The following ZSWIM6 variants were observed in gnomAD, a reference collection of about 807,000 sequenced individuals.
ZSWIM6 encodes zinc finger SWIM domain-containing protein 6.
In ZSWIM6, 9 loss-of-function variants were observed where a neutral mutation model predicts 113.2. That is an observed-to-expected ratio of 0.08 (90% CI 0.05 to 0.14). The LOEUF (loss-of-function observed/expected upper bound fraction) is 0.14. Ranked by LOEUF, ZSWIM6 falls within the 10% of genes least tolerant of loss-of-function variation. The pLI is 1.00. For missense variants in ZSWIM6, 1,162 were observed against 1,552.2 expected, an observed-to-expected ratio of 0.75 and a Z score of 4.22; for synonymous variants, 611 against 606.5, an observed-to-expected ratio of 1.01 and a Z score of -0.11.
intron 1 of ZSWIM6, among the ~76,000 whole-genome samples, chr5:61,338,160 G>T (rs544417488): frequency 1.4e-3 from 137 of 98,302 alleles, no homozygotes; most frequent in African/African-American, 8.8e-3. Context: ...TTAAAGTTTT[G>T]TGTGTTTTTT....
chr5:61,404,009 ATTT>A (rs61133998), intron 1 of ZSWIM6, among the ~76,000 whole-genome samples: 4 of 144,006 alleles, frequency 2.8e-5, no homozygotes, highest in Admixed American at 2.1e-4. Flanking sequence ...TAAAAAAGTA[ATTT>A]TTTTTTTTTT....
chr5:61,543,258 G>T lies in ZSWIM6; in HGVS notation c.2786-197G>T, dbSNP rs1444894134. Among the ~76,000 whole-genome samples, 1 of 152,106 alleles carries T rather than the reference G, an allele frequency of 6.6e-6. No homozygotes were observed. The highest frequency in any genetic ancestry group is 2.4e-5 in the African/African-American group (1 of 41,420). On this transcript the variant is annotated intron_variant, in intron 13 of 13. Coordinates refer to ENST00000252744, the MANE Select transcript of ZSWIM6 (RefSeq NM_020928.2). This position sits in a 1 kb window ranked among gnomAD's most constrained non-coding sequence, Gnocchi z 4.3. ...TATAGCAAGTTCATGTTCCTTTCAG[G>T]CATTTCACTGAATAACAATTCATAA... is the stretch of plus-strand genomic sequence containing the variant.
At chr5:61,399,207 G>A (rs1419486343) in intron 1 of ZSWIM6, among the ~76,000 whole-genome samples, 2 of 149,040 alleles carry the variant, frequency 1.3e-5, no homozygotes, top group Non-Finnish European at 3.0e-5. Flanking sequence ...TTACAGGTGT[G>A]AGCCACTGCG....
intron 1 of ZSWIM6, among the ~76,000 whole-genome samples, chr5:61,408,045 A>G (rs1746078016): frequency 1.3e-5 from 2 of 152,240 alleles, no homozygotes; most frequent in Admixed American, 6.5e-5. Flanking sequence ...TCACACCAGC[A>G]TTATTTGTAA....
chr5:61,454,019 T>G (rs1009384837), intron 1 of ZSWIM6, among the ~76,000 whole-genome samples: 9 of 152,100 alleles, frequency 5.9e-5, no homozygotes, highest in Non-Finnish European at 1.2e-4. Flanking sequence ...CTACATTTAT[T>G]AATTGAAATT....
At chr5:61,515,970 A>C (rs937200100) in intron 4 of ZSWIM6, among the ~76,000 whole-genome samples, 1 of 152,174 alleles carries the variant, frequency 6.6e-6, no homozygotes, top group South Asian at 2.1e-4. Context: ...TGATACTGAT[A>C]TAGTCATACC....
intron 1 of ZSWIM6, among the ~76,000 whole-genome samples, chr5:61,454,148 G>C (rs757718197): frequency 1.9e-4 from 29 of 151,848 alleles, no homozygotes; most frequent in Non-Finnish European, 3.4e-4. Flanking sequence ...TGTCACTATT[G>C]ATTTTGTTGC....
At chr5:61,343,887 T>TC (rs1214782896) in intron 1 of ZSWIM6, among the ~76,000 whole-genome samples, 1 of 147,396 alleles carries the variant, frequency 6.8e-6, no homozygotes. Context: ...ACTTTGGACT[T>TC]TTTTTTTTTT....
intron 1 of ZSWIM6, among the ~76,000 whole-genome samples, chr5:61,365,655 T>C (rs760113778): frequency 1.3e-5 from 2 of 152,214 alleles, no homozygotes; most frequent in African/African-American, 4.8e-5. Context: ...ACAGTGTGAT[T>C]ATGTTCTCTT....
At chr5:61,521,834 A>G (rs1236198385) in intron 5 of ZSWIM6, among the ~76,000 whole-genome samples, 1 of 152,156 alleles carries the variant, frequency 6.6e-6, no homozygotes, top group Non-Finnish European at 1.5e-5. Context: ...ATTTTTCTTG[A>G]TCAATCCATG....
At chr5:61,430,362 A>T (rs577635503) in intron 1 of ZSWIM6, among the ~76,000 whole-genome samples, 1 of 152,298 alleles carries the variant, frequency 6.6e-6, no homozygotes, top group South Asian at 2.1e-4. Context: ...TATTTAGGAA[A>T]ATTTCTCAAT....
chr5:61,340,486 A>T (rs1744520084), intron 1 of ZSWIM6, among the ~76,000 whole-genome samples: 1 of 152,194 alleles, frequency 6.6e-6, no homozygotes, highest in Non-Finnish European at 1.5e-5. Flanking sequence ...TCTTCTTAAA[A>T]TATGCTGAAA....
intron 1 of ZSWIM6, among the ~76,000 whole-genome samples, chr5:61,381,883 G>A (rs1369521113): frequency 6.6e-6 from 1 of 152,146 alleles, no homozygotes; most frequent in East Asian, 1.9e-4. Flanking sequence ...AATTTACTAA[G>A]GCTTTTCATG....
chr5:61,394,072 T>C (rs910509410), intron 1 of ZSWIM6, among the ~76,000 whole-genome samples: 23 of 152,354 alleles, frequency 1.5e-4, no homozygotes, highest in African/African-American at 5.5e-4. Flanking sequence ...ATATTTATAT[T>C]GATGCTCTGT....
intron 1 of ZSWIM6, among the ~76,000 whole-genome samples, chr5:61,373,441 G>C (rs963095670): frequency 6.8e-6 from 1 of 146,668 alleles, no homozygotes; most frequent in East Asian, 2.0e-4. Context: ...GCAGTGGCGC[G>C]ATCTCGGCTC....
rs1749810517 is a variant in ZSWIM6 at position 61,543,828 on chromosome 5, C to A, written c.3159C>A (p.Ala1053=). Residue 1053 remains alanine, a synonymous_variant, in exon 14 of 14, where the codon GCC becomes GCA. Coordinates refer to ENST00000252744, the MANE Select transcript of ZSWIM6 (RefSeq NM_020928.2). The surrounding 1 kb of genome is among the most constrained non-coding windows in gnomAD (Gnocchi z 4.3). The part of the protein sequence containing the change: ...PMRAYKLATL[A]MTHLNLSYNQ... ...GGGCCTACAAGCTGGCCACCCTGGC[C>A]ATGACCCATCTCAACCTGAGCTACA... is the stretch of plus-strand genomic sequence containing the variant. 1 of 1,551,792 alleles carries A rather than the reference C, an allele frequency of 6.4e-7. No homozygotes were observed. Among genetic ancestry groups the A allele is most frequent in the South Asian group, 1.2e-5 (1 of 84,064 alleles).
At chr5:61,344,230 T>C (rs1044338596) in intron 1 of ZSWIM6, among the ~76,000 whole-genome samples, 12 of 152,186 alleles carry the variant, frequency 7.9e-5, no homozygotes, top group African/African-American at 2.9e-4. Context: ...TTTACAGTTC[T>C]TTTTCCCTTC....
intron 4 of ZSWIM6, 118 bp from the exon 5 acceptor site, chr5:61,521,145 A>G: frequency 1.9e-6 from 1 of 522,974 alleles, no homozygotes. Context: ...TTAAATTTAA[A>G]ATTTTAAATA....
chr5:61,540,556 A>C (rs956148948), intron 12 of ZSWIM6, among the ~76,000 whole-genome samples: 1 of 152,210 alleles, frequency 6.6e-6, no homozygotes, highest in Non-Finnish European at 1.5e-5. Context: ...ATAGGATCAC[A>C]GGAAAATGTA....
Sources: gnomAD v4.1 joint callset for allele counts (sites outside exome capture counted in the v4.1 genomes callset) on GRCh38, gnomAD v4.1.1 for gene constraint, Gnocchi (gnomAD v3.1) non-coding constraint, MANE v1.5 for transcripts, NCBI Gene and HGNC (gene_info 2026-07-23, HGNC 2026-07-21) for gene names.